Variants in EPB41L1 observed in about 807,000 individuals in gnomAD.
EPB41L1 encodes erythrocyte membrane protein band 4.1 like 1.
EPB41L1 carries 29 observed loss-of-function variants against 97.8 expected under a neutral mutation model. The observed-to-expected ratio is 0.30, with a 90% CI of 0.22 to 0.40. The LOEUF (loss-of-function observed/expected upper bound fraction) is 0.40, where lower values mean the gene tolerates loss of function less well. EPB41L1 is among the 10% of genes least tolerant of loss of function. The pLI is 1.00. For synonymous variants in EPB41L1, 383 were observed against 459.2 expected (o/e 0.83, Z 2.12); for missense variants, 812 against 1,162.3 (o/e 0.70, Z 4.38).
chr20:36,219,859 G>A lies in EPB41L1; in HGVS notation c.2439+15G>A. ...ATGTCACCAAAGTGAGTAGCAGCAG[G>A]GCGCCCCATGCCCCCAGCCGAGCTG... On this transcript the variant is annotated intron_variant, in intron 19 of 21. Transcript: ENST00000338074. 6.2e-7 allele frequency: 1 copy of A among 1,612,034 alleles called. No homozygotes were observed. Among genetic ancestry groups the A allele is most frequent in the Non-Finnish European group, 8.5e-7 (1 of 1,178,042 alleles).
chr20:36,129,996 C>T (rs1286097756), intron 2 of EPB41L1, among the ~76,000 whole-genome samples: 1 of 148,032 alleles, frequency 6.8e-6, no homozygotes, highest in Non-Finnish European at 1.5e-5. Context: ...GCCTGGAGTG[C>T]AGTGGCGTGA....
At chr20:36,111,089 G>A (rs914047156) in intron 1 of EPB41L1, among the ~76,000 whole-genome samples, 1 of 152,144 alleles carries the variant, frequency 6.6e-6, no homozygotes, top group Admixed American at 6.5e-5. Flanking sequence ...CTGTTCACAG[G>A]CATCATCTCA....
intron 18 of EPB41L1, 77 bp downstream of exon 18, chr20:36,219,039 G>T: frequency 1.4e-6 from 2 of 1,476,910 alleles, no homozygotes; most frequent in Non-Finnish European, 1.9e-6. Flanking sequence ...TGGCTGGCAG[G>T]AAGTGCAGCG....
At chr20:36,219,573 C>T (rs2063650927) in intron 18 of EPB41L1, among the ~76,000 whole-genome samples, 188 bp from the exon 19 acceptor site, 1 of 152,116 alleles carries the variant, frequency 6.6e-6, no homozygotes, top group African/African-American at 2.4e-5. Flanking sequence ...ATCTCAGACT[C>T]CAGGATTTGA....
intron 1 of EPB41L1, among the ~76,000 whole-genome samples, chr20:36,162,622 C>T (rs961720882): frequency 3.9e-5 from 6 of 152,220 alleles, no homozygotes; most frequent in Non-Finnish European, 7.3e-5. Flanking sequence ...CTCTCTCTGC[C>T]TTCTGCATCG....
chr20:36,201,648 CAGGCA>C (rs1724003815), intron 14 of EPB41L1, among the ~76,000 whole-genome samples: 1 of 152,264 alleles, frequency 6.6e-6, no homozygotes, highest in East Asian at 1.9e-4. Flanking sequence ...AGAGATTGGT[CAGGCA>C]AGTGTTTGAA....
intron 14 of EPB41L1, among the ~76,000 whole-genome samples, chr20:36,204,362 C>G (rs536807583): frequency 6.6e-6 from 1 of 151,626 alleles, no homozygotes; most frequent in African/African-American, 2.4e-5. Context: ...GACCTTCCTG[C>G]TTTTCTAACC....
At position 36,214,271 on chromosome 20, in the gene EPB41L1, T is replaced by C; in HGVS notation, c.2185-86T>C. On this transcript the variant is annotated intron_variant, in intron 16 of 21. Transcript: ENST00000338074. The stretch of plus-strand genomic sequence containing the variant: ...TGTTCACTCACACAGCCTGTCACTT[T>C]GTAACTGGGAGGCCGTGAGCCCAGG... 3 of 1,046,376 alleles carry C rather than the reference T, an allele frequency of 2.9e-6. No individual in the cohort carries two copies. The South Asian group carries it at 4.0e-5, about 14-fold the overall frequency. The allele number at this position is 1,046,376 out of a possible 1,614,324, so 64.8% of individuals were successfully genotyped here. A position where few individuals can be genotyped will look rare whatever the true frequency, so the allele number is the denominator to read the frequency against.
chr20:36,195,326 T>C lies in EPB41L1; in HGVS notation c.1450-3T>C. 6.2e-7 allele frequency: 1 copy of C among 1,613,904 alleles called. No individual in the cohort carries two copies. Among genetic ancestry groups the C allele is most frequent in the Non-Finnish European group, 8.5e-7 (1 of 1,179,960 alleles). On this transcript the variant is annotated splice_region_variant and splice_polypyrimidine_tract_variant and intron_variant, in intron 12 of 21. Transcript: ENST00000338074. The surrounding 1 kb of genome is among the most constrained non-coding windows in gnomAD (Gnocchi z 4.6). ...TTCTTTCCCTCCTACCACATCCCAC[T>C]AGCCGGAGCAGGAAACCACGCCGAG...
At chr20:36,189,580 ATTC>A (rs2146320796) in intron 9 of EPB41L1, among the ~76,000 whole-genome samples, 1 of 152,140 alleles carries the variant, frequency 6.6e-6, no homozygotes, top group South Asian at 2.1e-4. Context: ...GTTCCTTCCC[ATTC>A]TTCAAATGTC....
intron 1 of EPB41L1, among the ~76,000 whole-genome samples, chr20:36,107,330 C>T (rs772557809): frequency 2.0e-5 from 3 of 150,518 alleles, no homozygotes; most frequent in Non-Finnish European, 4.4e-5. Flanking sequence ...GAGCAATTCT[C>T]CTGCCTCAGC....
chr20:36,225,697 T>C (rs1487367000), intron 21 of EPB41L1, among the ~76,000 whole-genome samples: 1 of 152,128 alleles, frequency 6.6e-6, no homozygotes, highest in South Asian at 2.1e-4. Flanking sequence ...GGGGTATCTG[T>C]TGTGCTTTTC....
Position 36,209,013 on chromosome 20 carries a change from C to T in EPB41L1, c.1669-475C>T, listed in dbSNP as rs139875875. ...CATGTTGGCTTCCTCTTTTGTTCCT[C>T]AAAGTTCTTGGCTCCAACCTCTCTG... On this transcript the variant is annotated intron_variant, in intron 14 of 21. Coordinates refer to ENST00000338074, the MANE Select transcript of EPB41L1 (RefSeq NM_012156.2). The surrounding 1 kb of genome is among the most constrained non-coding windows in gnomAD (Gnocchi z 4.2). 6.6e-6 allele frequency among the ~76,000 whole-genome samples: 1 copy of T among 152,356 alleles called. No homozygotes were observed. The highest frequency in any genetic ancestry group is 2.4e-5 in the African/African-American group (1 of 41,596).
intron 14 of EPB41L1, among the ~76,000 whole-genome samples, chr20:36,204,979 C>T (rs2062718915): frequency 6.6e-6 from 1 of 152,124 alleles, no homozygotes; most frequent in African/African-American, 2.4e-5. Context: ...TAGATCTTTA[C>T]CTCTCTCCCT....
intron 2 of EPB41L1, among the ~76,000 whole-genome samples, chr20:36,143,182 T>TGTGTGG (rs1600555294): frequency 8.8e-6 from 1 of 113,494 alleles, no homozygotes; most frequent in African/African-American, 3.6e-5. Context: ...TGTGTGTGTG[T>TGTGTGG]TGGGGATAGA....
intron 1 of EPB41L1, among the ~76,000 whole-genome samples, chr20:36,094,019 C>T (rs1029051165): frequency 3.9e-5 from 6 of 152,184 alleles, no homozygotes; most frequent in African/African-American, 1.4e-4. Context: ...CAGGAGACCT[C>T]TCTACTTTGA....
At chr20:36,102,986 A>G (rs1422434846) in intron 1 of EPB41L1, among the ~76,000 whole-genome samples, 1 of 152,128 alleles carries the variant, frequency 6.6e-6, no homozygotes, top group African/African-American at 2.4e-5. Flanking sequence ...CCTGCCAAGA[A>G]TGCCACCCCC....
Position 36,178,122 on chromosome 20 carries a change from C to A in EPB41L1, c.447+66C>A, listed in dbSNP as rs2061326940. On this transcript the variant is annotated intron_variant, in intron 4 of 21. Coordinates refer to ENST00000338074, the MANE Select transcript of EPB41L1 (RefSeq NM_012156.2). The stretch of plus-strand genomic sequence containing the variant: ...TAGGCTCCTGTAATCCTGGCCACCC[C>A]CAACAGCATCCATTAGTGCTCAAAT... 10 of 1,148,058 alleles carry A rather than the reference C, an allele frequency of 8.7e-6. No homozygotes were observed. The South Asian group carries it at 1.2e-4, about 14-fold the overall frequency. 71.1% of individuals were successfully genotyped at this position (1,148,058 alleles called of 1,614,324 possible). A position where few individuals can be genotyped will look rare whatever the true frequency, so the allele number is the denominator to read the frequency against.
intron 1 of EPB41L1, among the ~76,000 whole-genome samples, chr20:36,157,680 G>A (rs1419121975): frequency 1.3e-5 from 2 of 152,158 alleles, no homozygotes; most frequent in Admixed American, 6.5e-5. Context: ...GAGGGGTAGG[G>A]GTAGATAAGT....
Sources: gnomAD v4.1 joint callset for allele counts (sites outside exome capture counted in the v4.1 genomes callset) on GRCh38, gnomAD v4.1.1 for gene constraint, Gnocchi (gnomAD v3.1) non-coding constraint, MANE v1.5 for transcripts, NCBI Gene and HGNC (gene_info 2026-07-23, HGNC 2026-07-21) for gene names.